HERPUD2: variants seen among roughly 807,000 people sequenced by gnomAD.
HERPUD2 encodes the protein homocysteine-responsive endoplasmic reticulum-resident ubiquitin-like domain member 2 protein.
A neutral mutation model predicts 49.9 loss-of-function variants in HERPUD2; 13 were observed. The observed-to-expected ratio is 0.26, with a 90% CI of 0.17 to 0.41. HERPUD2 has a LOEUF of 0.41. Among genes scored for constraint, HERPUD2 ranks in the 10% least tolerant of loss-of-function variants. The pLI is 1.00. For missense variants in HERPUD2, 449 were observed against 492.2 expected, an observed-to-expected ratio of 0.91 and a Z score of 0.83; for synonymous variants, 172 against 171.4, an observed-to-expected ratio of 1.00 and a Z score of -0.03.
At chr7:35,674,063 G>C (rs1277311429) in intron 2 of HERPUD2, among the ~76,000 whole-genome samples, 2 of 151,972 alleles carry the variant, frequency 1.3e-5, no homozygotes, top group Non-Finnish European at 2.9e-5. Flanking sequence ...AGCTATATCA[G>C]TAATTGTTAA....
intron 2 of HERPUD2, among the ~76,000 whole-genome samples, chr7:35,693,412 A>T (rs1394388379): frequency 2.0e-5 from 3 of 152,198 alleles, no homozygotes; most frequent in African/African-American, 7.2e-5. Context: ...TTGAAAGTAT[A>T]ATTTTTATAG....
At chr7:35,645,468 G>T (rs1175971350) in intron 5 of HERPUD2, among the ~76,000 whole-genome samples, 3 of 151,900 alleles carry the variant, frequency 2.0e-5, no homozygotes, top group Non-Finnish European at 2.9e-5. Flanking sequence ...CAAAGAATGG[G>T]ACAGCTCTTG....
intron 3 of HERPUD2, among the ~76,000 whole-genome samples, chr7:35,672,965 C>G (rs1785674399): frequency 6.6e-6 from 1 of 152,072 alleles, no homozygotes. Flanking sequence ...TGACAAACAC[C>G]TGAACATGAA....
At chr7:35,650,931 C>T (rs1785152025) in intron 5 of HERPUD2, among the ~76,000 whole-genome samples, 1 of 152,202 alleles carries the variant, frequency 6.6e-6, no homozygotes, top group South Asian at 2.1e-4. Flanking sequence ...TTCCACCCAC[C>T]TCCAGTGGCT....
chr7:35,649,252 G>GAAA (rs750758740), intron 5 of HERPUD2, among the ~76,000 whole-genome samples: 1 of 119,594 alleles, frequency 8.4e-6, no homozygotes, highest in Non-Finnish European at 1.8e-5. Flanking sequence ...CTCCATCTCT[G>GAAA]AAAAAAAAAA....
intron 2 of HERPUD2, among the ~76,000 whole-genome samples, chr7:35,685,695 G>C (rs1371048011): frequency 1.3e-5 from 2 of 151,916 alleles, no homozygotes; most frequent in African/African-American, 4.8e-5. Flanking sequence ...TTAAATATCA[G>C]GGCTGGGTGC....
In HERPUD2 at chr7:35,694,316, C is replaced by T; in HGVS notation, c.15G>A (p.Gly5=). 1 of 1,614,218 alleles carries T rather than the reference C, an allele frequency of 6.2e-7. No individual in the cohort carries two copies. Among genetic ancestry groups the T allele is most frequent in the Admixed American group, 1.7e-5 (1 of 60,024 alleles). The change falls in exon 2 of 9, where the codon GGG becomes GGA. Residue 5 remains glycine, a synonymous_variant. Transcript: ENST00000311350. ...TGATGAGGGTCACAGGAATCTCCAT[C>T]CCACTTTGGTCCATGGTGCCCCCAA... MDQS[G]MEIPVTLIIK...
chr7:35,671,251 T>C (rs1454557059), intron 3 of HERPUD2, among the ~76,000 whole-genome samples: 4 of 152,058 alleles, frequency 2.6e-5, no homozygotes, highest in Non-Finnish European at 4.4e-5. Context: ...CTCATGATAT[T>C]GTTAAGAGGG....
At chr7:35,644,563 T>C (rs1275273370) in intron 5 of HERPUD2, among the ~76,000 whole-genome samples, 1 of 151,830 alleles carries the variant, frequency 6.6e-6, no homozygotes, top group Non-Finnish European at 1.5e-5. Flanking sequence ...AGCTCAGGAG[T>C]TGGAGACCAG....
chr7:35,636,010 C>G lies in HERPUD2; in HGVS notation c.618-552G>C, dbSNP rs1323140586. Among the ~76,000 whole-genome samples, 3 of 152,284 alleles carry G rather than the reference C, an allele frequency of 2.0e-5. No homozygotes were observed. The East Asian group carries it at 5.8e-4, about 29-fold the overall frequency. On this transcript the variant is annotated intron_variant, in intron 6 of 8. Transcript: ENST00000311350. ...CAATACTGATTTGGAAGAACTCCAACTGGGGACCACTGATCCTTGTCAAGT... is the reference window on the plus strand; with the variant it reads ...CAATACTGATTTGGAAGAACTCCAAGTGGGGACCACTGATCCTTGTCAAGT...
At chr7:35,664,727 G>C (rs1250763349) in intron 5 of HERPUD2, among the ~76,000 whole-genome samples, 1 of 152,056 alleles carries the variant, frequency 6.6e-6, no homozygotes, top group African/African-American at 2.4e-5. Context: ...TTGTGCCATG[G>C]TTTTCAGCTC....
intron 5 of HERPUD2, among the ~76,000 whole-genome samples, chr7:35,644,809 G>A (rs1049981317): frequency 1.3e-5 from 2 of 152,050 alleles, no homozygotes; most frequent in African/African-American, 4.8e-5. Context: ...CACTATGTCA[G>A]TCTCTTCAAA....
At chr7:35,692,507 C>A (rs1786215459) in intron 2 of HERPUD2, among the ~76,000 whole-genome samples, 1 of 152,224 alleles carries the variant, frequency 6.6e-6, no homozygotes. Flanking sequence ...TGAAACTAAT[C>A]ATATGCAACA....
intron 2 of HERPUD2, among the ~76,000 whole-genome samples, chr7:35,674,025 T>C (rs1785697373): frequency 6.6e-6 from 1 of 152,138 alleles, no homozygotes; most frequent in Non-Finnish European, 1.5e-5. Flanking sequence ...CAGGTGAATG[T>C]TCTTTGAATT....
chr7:35,659,376 A>T (rs1218201590), intron 5 of HERPUD2, among the ~76,000 whole-genome samples: 1 of 152,228 alleles, frequency 6.6e-6, no homozygotes, highest in Non-Finnish European at 1.5e-5. Flanking sequence ...CTAGCACCTA[A>T]CACAAGCATT....
chr7:35,663,243 T>C (rs1006247860), intron 5 of HERPUD2, among the ~76,000 whole-genome samples: 2 of 152,210 alleles, frequency 1.3e-5, no homozygotes, highest in Non-Finnish European at 2.9e-5. Context: ...GACAGTTTGT[T>C]ATAATTTCTG....
At chr7:35,688,204 CT>C (rs1054256059) in intron 2 of HERPUD2, among the ~76,000 whole-genome samples, 16 of 152,136 alleles carry the variant, frequency 1.1e-4, no homozygotes, top group Admixed American at 2.0e-4. Context: ...TAAATTTGTA[CT>C]AGAACACATC....
intron 2 of HERPUD2, among the ~76,000 whole-genome samples, chr7:35,683,334 T>C (rs879833318): frequency 9.9e-5 from 15 of 152,206 alleles, no homozygotes; most frequent in Non-Finnish European, 1.9e-4. Context: ...GACACCCTTT[T>C]CCACAAATTG....
chr7:35,681,057 C>T (rs1470358547), intron 2 of HERPUD2, among the ~76,000 whole-genome samples: 1 of 152,166 alleles, frequency 6.6e-6, no homozygotes, highest in African/African-American at 2.4e-5. Flanking sequence ...AATATTCAGT[C>T]TATGAATCAC....
Sources: allele counts gnomAD v4.1 joint callset (sites outside exome capture counted in the v4.1 genomes callset), GRCh38; gene constraint gnomAD v4.1.1; transcripts MANE v1.5; gene names NCBI Gene and HGNC (gene_info 2026-07-23, HGNC 2026-07-21).